Variants in LRRTM4 observed in about 807,000 individuals in gnomAD.
LRRTM4 encodes leucine rich repeat transmembrane neuronal 4.
LRRTM4 carries 25 observed loss-of-function variants against 47.6 expected under a neutral mutation model. That is an observed-to-expected ratio of 0.53 (90% CI 0.38 to 0.73). LRRTM4 has a LOEUF of 0.73. Ranked by LOEUF, LRRTM4 falls within the 30% of genes least tolerant of loss-of-function variation. The probability of loss-of-function intolerance (pLI) is 0.00; values close to 1 mark genes in which losing one functional copy is unlikely to be tolerated. For missense variants in LRRTM4, 638 were observed against 713.4 expected, an observed-to-expected ratio of 0.89 and a Z score of 1.20; for synonymous variants, 311 against 269.5, an observed-to-expected ratio of 1.15 and a Z score of -1.51.
chr2:76,830,865 A>G (rs1467591075), intron 3 of LRRTM4, among the ~76,000 whole-genome samples: 2 of 152,180 alleles, frequency 1.3e-5, no homozygotes, highest in East Asian at 3.9e-4. Flanking sequence ...TCAGATCCAA[A>G]AATAGCTGTT....
chr2:76,924,430 T>C (rs1674525795), intron 3 of LRRTM4, among the ~76,000 whole-genome samples: 1 of 152,100 alleles, frequency 6.6e-6, no homozygotes, highest in South Asian at 2.1e-4. Context: ...AAGAACTTGA[T>C]AGATGTAGCT....
At chr2:76,835,470 T>A (rs892362513) in intron 3 of LRRTM4, among the ~76,000 whole-genome samples, 1 of 152,138 alleles carries the variant, frequency 6.6e-6, no homozygotes, top group South Asian at 2.1e-4. Flanking sequence ...GATTTATTCT[T>A]GCATTTAGAG....
intron 3 of LRRTM4, among the ~76,000 whole-genome samples, chr2:77,371,129 T>C (rs1251272764): frequency 6.6e-6 from 1 of 151,778 alleles, no homozygotes. Flanking sequence ...CATATGTGAA[T>C]GTACCATTAG....
intron 3 of LRRTM4, among the ~76,000 whole-genome samples, chr2:76,758,361 C>T (rs1187214809): frequency 6.6e-6 from 1 of 151,968 alleles, no homozygotes; most frequent in Non-Finnish European, 1.5e-5. Context: ...ATTGCATATC[C>T]CATGGTAAAA....
At chr2:77,359,855 T>C (rs940731036) in intron 3 of LRRTM4, among the ~76,000 whole-genome samples, 12 of 152,278 alleles carry the variant, frequency 7.9e-5, no homozygotes, top group African/African-American at 2.9e-4. Flanking sequence ...GCTTTACAGG[T>C]TCCTTTGCAC....
chr2:76,940,467 T>C (rs564364937), intron 3 of LRRTM4, among the ~76,000 whole-genome samples: 12 of 151,904 alleles, frequency 7.9e-5, no homozygotes, highest in Non-Finnish European at 1.2e-4. Context: ...AGGGGAACAA[T>C]AGACACTCAG....
chr2:76,979,448 G>A (rs1411507068), intron 3 of LRRTM4, among the ~76,000 whole-genome samples: 1 of 150,288 alleles, frequency 6.7e-6, no homozygotes, highest in Non-Finnish European at 1.5e-5. Context: ...TGAGTACAAT[G>A]TACTTTGAGA....
intron 3 of LRRTM4, among the ~76,000 whole-genome samples, chr2:77,038,620 A>G (rs145094164): frequency 0.011 from 1,650 of 151,624 alleles, 28 homozygotes; most frequent in African/African-American, 0.038. Context: ...TAAACTATGT[A>G]TGGATAGAAC....
intron 3 of LRRTM4, among the ~76,000 whole-genome samples, chr2:77,379,336 G>A (rs1246239547): frequency 6.6e-6 from 1 of 151,876 alleles, no homozygotes; most frequent in Non-Finnish European, 1.5e-5. Context: ...TTACGTTTAT[G>A]TGATATTAAT....
Position 77,083,783 on chromosome 2 carries a change from C to CTTTTTTTTTTTTTTTTTTTTTTTTTT in LRRTM4, c.1552-334893_1552-334868dup, listed in dbSNP as rs386390525. Among the ~76,000 whole-genome samples, 3 of 52,344 alleles carry CTTTTTTTTTTTTTTTTTTTTTTTTTT rather than the reference C, an allele frequency of 5.7e-5. 1 individual carries two copies. The highest frequency in any genetic ancestry group is 1.1e-4 in the African/African-American group (2 of 17,500). The allele number at this position is 52,344 out of a possible 152,430, so 34.3% of individuals were successfully genotyped here. ...ACTTCTCAATTTTTAACTGGACACA[C>CTTTTTTTTTTTTTTTTTTTTTTTTTT]TTTTTTTTTTTTTTTTTTTTTTTTT... On this transcript the variant is annotated intron_variant, in intron 3 of 3. Coordinates refer to ENST00000409884, the MANE Select transcript of LRRTM4 (RefSeq NM_001134745.3).
chr2:77,176,755 C>A (rs1040039340), intron 3 of LRRTM4, among the ~76,000 whole-genome samples: 2 of 152,100 alleles, frequency 1.3e-5, no homozygotes, highest in African/African-American at 2.4e-5. Context: ...TTTAGGCATT[C>A]TGTTGCTCCT....
chr2:76,784,268 G>A (rs1446721547), intron 3 of LRRTM4, among the ~76,000 whole-genome samples: 5 of 151,978 alleles, frequency 3.3e-5, no homozygotes. Flanking sequence ...AGTACATTAA[G>A]CGATGCTTTA....
intron 3 of LRRTM4, among the ~76,000 whole-genome samples, chr2:77,135,987 A>G (rs758838379): frequency 8.2e-4 from 124 of 150,330 alleles, no homozygotes; most frequent in African/African-American, 2.6e-3. Context: ...CCAATTTAGG[A>G]AAAAAAAAGG....
At chr2:76,890,428 A>G (rs1042426147) in intron 3 of LRRTM4, among the ~76,000 whole-genome samples, 2 of 152,030 alleles carry the variant, frequency 1.3e-5, no homozygotes, top group Non-Finnish European at 2.9e-5. Context: ...GTAATTATCA[A>G]AAGTTGCTTC....
At chr2:77,362,238 G>A (rs1016440557) in intron 3 of LRRTM4, among the ~76,000 whole-genome samples, 9 of 152,028 alleles carry the variant, frequency 5.9e-5, no homozygotes, top group African/African-American at 1.7e-4. Context: ...ATTTAATTCC[G>A]AGGCAGACTG....
chr2:77,262,207 A>T (rs2104043597), intron 3 of LRRTM4, among the ~76,000 whole-genome samples: 1 of 152,220 alleles, frequency 6.6e-6, no homozygotes, highest in South Asian at 2.1e-4. Context: ...GGGGAGTTGT[A>T]TAATTATTTC....
intron 3 of LRRTM4, among the ~76,000 whole-genome samples, chr2:76,900,724 G>A (rs1348323446): frequency 6.6e-6 from 1 of 152,098 alleles, no homozygotes; most frequent in Non-Finnish European, 1.5e-5. Flanking sequence ...CGAGATAATA[G>A]TTAAAAAGGT....
chr2:76,862,520 G>A (rs1164292248), intron 3 of LRRTM4, among the ~76,000 whole-genome samples: 3 of 152,150 alleles, frequency 2.0e-5, no homozygotes, highest in African/African-American at 7.2e-5. Flanking sequence ...TCACCCTGAA[G>A]GTCATTGCTC....
chr2:76,877,309 A>G (rs193012689), intron 3 of LRRTM4, among the ~76,000 whole-genome samples: 41 of 152,260 alleles, frequency 2.7e-4, no homozygotes, highest in Admixed American at 2.5e-3. Context: ...GAATTTAAAA[A>G]CAAGAGTATA....
Sources: gnomAD v4.1 joint callset for allele counts (sites outside exome capture counted in the v4.1 genomes callset) on GRCh38, gnomAD v4.1.1 for gene constraint, MANE v1.5 for transcripts, NCBI Gene and HGNC (gene_info 2026-07-23, HGNC 2026-07-21) for gene names.